Variants in DYTN observed in about 807,000 individuals in gnomAD.
DYTN encodes dystrotelin.
DYTN carries 75 observed loss-of-function variants against 69.6 expected under a neutral mutation model. That is an observed-to-expected ratio of 1.08 (90% CI 0.89 to 1.31). The LOEUF is 1.31. DYTN is among the 50% of genes most tolerant of loss of function. The pLI is 0.00. For missense variants in DYTN, 726 were observed against 688.4 expected (o/e 1.05, Z -0.61); for synonymous variants, 252 against 249.1 (o/e 1.01, Z -0.11).
intron 11 of DYTN, among the ~76,000 whole-genome samples, chr2:206,653,863 C>T (rs1402906551): frequency 6.6e-6 from 1 of 152,180 alleles, no homozygotes; most frequent in Non-Finnish European, 1.5e-5. Context: ...GTAAGTGCAT[C>T]ACCATCCATA....
intron 11 of DYTN, among the ~76,000 whole-genome samples, chr2:206,657,090 T>G (rs10181759): frequency 0.11 from 17,288 of 152,078 alleles, 1,052 homozygotes; most frequent in Non-Finnish European, 0.14. Context: ...TTTTGGTTTG[T>G]TTATTTTTAT....
chr2:206,689,822 C>G (rs1699846559), intron 9 of DYTN, among the ~76,000 whole-genome samples: 1 of 152,230 alleles, frequency 6.6e-6, no homozygotes, highest in Non-Finnish European at 1.5e-5. Context: ...TTCACCTTAT[C>G]TATCCATCCA....
intron 9 of DYTN, among the ~76,000 whole-genome samples, chr2:206,689,709 T>A (rs1175243358): frequency 1.3e-5 from 2 of 152,224 alleles, no homozygotes; most frequent in Admixed American, 6.5e-5. Flanking sequence ...ACGTGGTTAG[T>A]TGAGGGCAAA....
intron 9 of DYTN, among the ~76,000 whole-genome samples, chr2:206,683,077 TA>T: frequency 6.6e-6 from 1 of 152,168 alleles, no homozygotes; most frequent in Admixed American, 6.5e-5. Context: ...CTTGCTAAAA[TA>T]AATTCCAAAC....
At chr2:206,717,874 C>G (rs1295743855) in intron 1 of DYTN, among the ~76,000 whole-genome samples, 1 of 152,182 alleles carries the variant, frequency 6.6e-6, no homozygotes, top group African/African-American at 2.4e-5. Flanking sequence ...TTTCTCCCAA[C>G]TTGAACTACA....
rs139354756 is a variant in DYTN, at chr2:206,665,953, G to C, written c.1057C>G (p.Arg353Gly). The change falls in exon 10 of 12, where the codon CGA becomes GGA. Residue 353 changes from arginine to glycine, a missense_variant. Arg to Gly is a moderately radical substitution (Grantham distance 125). Transcript: ENST00000452335. The part of the protein sequence containing the change: ...IYTSQEERIC[R>G]FETRIHKLKT... ...AGTTTGTGAATCCTTGTTTCAAATCGACAAATTCTTTCTTCCTGGGAGGTG... is the reference window on the plus strand; with the variant it reads ...AGTTTGTGAATCCTTGTTTCAAATCCACAAATTCTTTCTTCCTGGGAGGTG... 8.2e-5 allele frequency: 133 copies of C among 1,613,708 alleles called. No homozygotes were observed. The highest frequency in any genetic ancestry group is 1.1e-4 in the Non-Finnish European group (128 of 1,179,836).
chr2:206,712,863 C>G (rs1700090078), intron 1 of DYTN, among the ~76,000 whole-genome samples: 1 of 152,210 alleles, frequency 6.6e-6, no homozygotes, highest in South Asian at 2.1e-4. Context: ...AAGTAATGTT[C>G]CAATGAATCT....
chr2:206,679,040 A>G (rs1485972540), intron 9 of DYTN: 1 of 152,016 alleles, frequency 6.6e-6, no homozygotes, highest in Non-Finnish European at 1.5e-5. Flanking sequence ...TGCTGTCCTC[A>G]GTTTGTTGAC....
chr2:206,687,334 C>T (rs977988054), intron 9 of DYTN: 2 of 153,510 alleles, frequency 1.3e-5, no homozygotes, highest in African/African-American at 2.4e-5. Flanking sequence ...AAACTATTTG[C>T]TCTTCCATCT....
chr2:206,693,637 T>C (rs1002959156), intron 8 of DYTN, among the ~76,000 whole-genome samples: 9 of 152,218 alleles, frequency 5.9e-5, no homozygotes, highest in African/African-American at 2.2e-4. Context: ...TTTAGGGTTG[T>C]GGATGCCTTT....
intron 9 of DYTN, among the ~76,000 whole-genome samples, chr2:206,668,457 C>T (rs1040904113): frequency 6.6e-6 from 1 of 152,152 alleles, no homozygotes; most frequent in Non-Finnish European, 1.5e-5. Flanking sequence ...AACTGGGAGC[C>T]CAGGACTTTC....
intron 1 of DYTN, among the ~76,000 whole-genome samples, chr2:206,714,494 G>A (rs981589082): frequency 6.6e-6 from 1 of 152,158 alleles, no homozygotes; most frequent in African/African-American, 2.4e-5. Context: ...GAGCCACTGC[G>A]TAAAGACGGC....
At chr2:206,688,558 T>G (rs1469424546) in intron 9 of DYTN, among the ~76,000 whole-genome samples, 1 of 152,212 alleles carries the variant, frequency 6.6e-6, no homozygotes, top group Non-Finnish European at 1.5e-5. Flanking sequence ...ATCAGGCAAC[T>G]CAAAATTTTT....
At position 206,716,045 on chromosome 2, in the gene DYTN, G is replaced by A. The variant is rs1434907618; in HGVS notation, c.19+2216C>T. On this transcript the variant is annotated intron_variant, in intron 1 of 11. Transcript: ENST00000452335. ...GGAGGTTGCAGTGAGCCAAGATCGC[G>A]CTACTGCACTCCAGCCTGGTGGCAG... is the stretch of plus-strand genomic sequence containing the variant. Among the ~76,000 whole-genome samples, 10 of 152,188 alleles carry A rather than the reference G, an allele frequency of 6.6e-5. No individual in the cohort carries two copies. The South Asian group carries it at 8.3e-4, about 13-fold the overall frequency.
chr2:206,693,052 C>G, intron 9 of DYTN, 123 bp downstream of exon 9: 1 of 1,364,648 alleles, frequency 7.3e-7, no homozygotes, highest in South Asian at 1.6e-5. Context: ...AAGTCCAACC[C>G]TCACCCCTCC....
chr2:206,661,885 C>T (rs1447452063), intron 11 of DYTN, among the ~76,000 whole-genome samples: 4 of 152,162 alleles, frequency 2.6e-5, no homozygotes, highest in African/African-American at 4.8e-5. Context: ...TAGTTCCTGA[C>T]TTATGATGGA....
At chr2:206,683,235 A>G (rs1281522832) in intron 9 of DYTN, among the ~76,000 whole-genome samples, 1 of 152,064 alleles carries the variant, frequency 6.6e-6, no homozygotes, top group Non-Finnish European at 1.5e-5. Context: ...CCTCAGTTAA[A>G]TTCTCTACTA....
At position 206,697,723 on chromosome 2, in the gene DYTN, C is replaced by G. The variant is rs183322437; in HGVS notation, c.719+2004G>C. 9.5e-4 allele frequency among the ~76,000 whole-genome samples: 144 copies of G among 152,326 alleles called. 1 individual carries two copies. Among genetic ancestry groups the G allele is most frequent in the African/African-American group, 2.9e-3 (122 of 41,574 alleles). On this transcript the variant is annotated intron_variant, in intron 7 of 11. Transcript: ENST00000452335. ...AACACCTTGCCCAGGTCTCCTAGCT[C>G]TTTGTATATAGGACACCTGTTTATT...
At chr2:206,706,284 A>G (rs1700024675) in intron 3 of DYTN, among the ~76,000 whole-genome samples, 1 of 152,094 alleles carries the variant, frequency 6.6e-6, no homozygotes, top group African/African-American at 2.4e-5. Flanking sequence ...AAAAAAATCT[A>G]GTTCACAGGC....
Sources: gnomAD v4.1 joint callset for allele counts (sites outside exome capture counted in the v4.1 genomes callset) on GRCh38, gnomAD v4.1.1 for gene constraint, MANE v1.5 for transcripts, NCBI Gene and HGNC (gene_info 2026-07-23, HGNC 2026-07-21) for gene names.